CNTNAP2: variants seen among roughly 807,000 people sequenced by gnomAD.
CNTNAP2 encodes contactin associated protein 2, also known as contactin-associated protein-like 2.
CNTNAP2 carries 98 observed loss-of-function variants against 155.2 expected under a neutral mutation model. The ratio of observed to expected loss-of-function variants is 0.63; its 90% CI spans 0.54 to 0.75. The LOEUF is 0.75. Ranked by LOEUF, CNTNAP2 falls within the 30% of genes least tolerant of loss-of-function variation. The pLI, the probability that CNTNAP2 is intolerant of heterozygous loss-of-function variation, is 0.00. For missense variants in CNTNAP2, 1,727 were observed against 1,688.1 expected (o/e 1.02, Z -0.40); for synonymous variants, 651 against 631.2 (o/e 1.03, Z -0.47).
chr7:146,990,647 G>T (rs1798192856), intron 3 of CNTNAP2, among the ~76,000 whole-genome samples: 1 of 151,690 alleles, frequency 6.6e-6, no homozygotes, highest in African/African-American at 2.4e-5. Context: ...CCTCAGGCTT[G>T]GTTTCAGAGA....
intron 14 of CNTNAP2, among the ~76,000 whole-genome samples, chr7:147,912,091 G>A (rs1027288640): frequency 6.6e-6 from 1 of 152,104 alleles, no homozygotes; most frequent in Non-Finnish European, 1.5e-5. Context: ...TGCTAGTTCA[G>A]TGACCTTCAG....
rs115984781 is a variant in CNTNAP2 at position 146,212,335 on chromosome 7, G to T, written c.97+95362G>T. Among the ~76,000 whole-genome samples, 802 of 152,184 alleles carry T rather than the reference G, an allele frequency of 5.3e-3. 6 individuals are homozygous for T. Among genetic ancestry groups the T allele is most frequent in the African/African-American group, 0.018 (759 of 41,534 alleles). On this transcript the variant is annotated intron_variant, in intron 1 of 23. Transcript: ENST00000361727. ...GACGTAGCATTCACCAATGGTCCAGGGGATGCTAAAAACAACAGAACCCTT... is the reference window on the plus strand; with the variant it reads ...GACGTAGCATTCACCAATGGTCCAGTGGATGCTAAAAACAACAGAACCCTT...
intron 21 of CNTNAP2, among the ~76,000 whole-genome samples, chr7:148,294,057 A>G (rs1797239085): frequency 6.6e-6 from 1 of 151,328 alleles, no homozygotes; most frequent in Admixed American, 6.6e-5. Flanking sequence ...AAAAAAAAAA[A>G]AAAAAAAAAA....
At chr7:147,768,350 A>G (rs1283661660) in intron 13 of CNTNAP2, among the ~76,000 whole-genome samples, 2 of 152,118 alleles carry the variant, frequency 1.3e-5, no homozygotes, top group African/African-American at 4.8e-5. Context: ...TGTATGGCTG[A>G]ACAATTCATA....
intron 12 of CNTNAP2, among the ~76,000 whole-genome samples, chr7:147,610,413 T>A (rs1340331703): frequency 6.6e-6 from 1 of 152,164 alleles, no homozygotes; most frequent in African/African-American, 2.4e-5. Context: ...TTTTGAAGGA[T>A]CCTTCCTAAG....
chr7:146,889,631 C>G (rs1795738110), intron 3 of CNTNAP2, among the ~76,000 whole-genome samples: 1 of 152,046 alleles, frequency 6.6e-6, no homozygotes, highest in Non-Finnish European at 1.5e-5. Context: ...TGAATCGAAA[C>G]CACTGAATCT....
intron 12 of CNTNAP2, among the ~76,000 whole-genome samples, chr7:147,615,263 G>A (rs1410140668): frequency 7.0e-5 from 8 of 114,246 alleles, no homozygotes; most frequent in Admixed American, 2.2e-4. Context: ...ACGGAGAGGA[G>A]CGAGACCCTG....
chr7:146,886,587 T>C (rs1028253201), intron 3 of CNTNAP2, among the ~76,000 whole-genome samples: 2 of 152,004 alleles, frequency 1.3e-5, no homozygotes, highest in African/African-American at 4.8e-5. Flanking sequence ...TCTACCAATC[T>C]CTCTTTAAAA....
chr7:147,660,857 C>T (rs1349730167), intron 13 of CNTNAP2, among the ~76,000 whole-genome samples: 1 of 152,122 alleles, frequency 6.6e-6, no homozygotes, highest in Non-Finnish European at 1.5e-5. Flanking sequence ...AATATTGGCC[C>T]TAAAAATATA....
chr7:146,513,324 C>G (rs2129135903), intron 1 of CNTNAP2, among the ~76,000 whole-genome samples: 1 of 152,010 alleles, frequency 6.6e-6, no homozygotes, highest in South Asian at 2.1e-4. Flanking sequence ...TAAGGACTTA[C>G]TACTGCCATT....
At chr7:146,270,068 T>A (rs1283637607) in intron 1 of CNTNAP2, among the ~76,000 whole-genome samples, 1 of 152,174 alleles carries the variant, frequency 6.6e-6, no homozygotes, top group Admixed American at 6.6e-5. Context: ...TTTACTCTTA[T>A]TGGGACCATT....
At chr7:148,354,348 C>T (rs1348393017) in intron 21 of CNTNAP2, among the ~76,000 whole-genome samples, 1 of 152,092 alleles carries the variant, frequency 6.6e-6, no homozygotes, top group East Asian at 1.9e-4. Flanking sequence ...ATTCTTTGAA[C>T]TGTTTCCTTA....
intron 4 of CNTNAP2, among the ~76,000 whole-genome samples, chr7:147,047,652 T>G (rs1006691469): frequency 1.3e-5 from 2 of 152,204 alleles, no homozygotes; most frequent in Non-Finnish European, 2.9e-5. Flanking sequence ...ATGAAGTTAC[T>G]TAAGATCCAC....
intron 21 of CNTNAP2, among the ~76,000 whole-genome samples, chr7:148,312,850 T>A (rs1238924835): frequency 9.4e-5 from 14 of 149,226 alleles, no homozygotes; most frequent in African/African-American, 3.5e-4. Flanking sequence ...AAGGGGTGCA[T>A]GATCGGTCGC....
intron 13 of CNTNAP2, among the ~76,000 whole-genome samples, chr7:147,868,043 A>G (rs1293853354): frequency 6.6e-6 from 1 of 151,064 alleles, no homozygotes; most frequent in African/African-American, 2.4e-5. Flanking sequence ...GATTTTTAGA[A>G]TTTTCGGTTT....
intron 1 of CNTNAP2, among the ~76,000 whole-genome samples, chr7:146,212,656 T>C (rs1799053894): frequency 6.6e-6 from 1 of 152,186 alleles, no homozygotes; most frequent in East Asian, 1.9e-4. Context: ...AATATGAGTT[T>C]AAGTTTGAAT....
chr7:146,179,904 C>T (rs1307647065), intron 1 of CNTNAP2, among the ~76,000 whole-genome samples: 4 of 151,984 alleles, frequency 2.6e-5, no homozygotes, highest in Admixed American at 6.6e-5. Flanking sequence ...GATACGTTGC[C>T]GAATTTTCTT....
chr7:148,047,925 A>G (rs572544987), intron 15 of CNTNAP2, among the ~76,000 whole-genome samples: 13 of 151,960 alleles, frequency 8.6e-5, no homozygotes, highest in African/African-American at 3.1e-4. Flanking sequence ...TGGGTGCCTT[A>G]CTTTTTTTTT....
At chr7:146,528,008 A>G (rs1797715938) in intron 1 of CNTNAP2, among the ~76,000 whole-genome samples, 1 of 152,146 alleles carries the variant, frequency 6.6e-6, no homozygotes, top group Non-Finnish European at 1.5e-5. Flanking sequence ...ATGTGAATAA[A>G]TAGAAAGAAA....
Sources: gnomAD v4.1 joint callset for allele counts (sites outside exome capture counted in the v4.1 genomes callset) on GRCh38, gnomAD v4.1.1 for gene constraint, MANE v1.5 for transcripts, NCBI Gene and HGNC (gene_info 2026-07-23, HGNC 2026-07-21) for gene names.